The following TRAPPC11 variants were observed in gnomAD, a reference collection of about 807,000 sequenced individuals.
TRAPPC11 encodes the protein trafficking protein particle complex subunit 11, also known as foie gras homolog.
A neutral mutation model predicts 151.2 loss-of-function variants in TRAPPC11; 104 were observed. The observed-to-expected ratio is 0.69, with a 90% CI of 0.59 to 0.81. The LOEUF (loss-of-function observed/expected upper bound fraction) is 0.81. TRAPPC11 is among the 30% of genes least tolerant of loss of function. TRAPPC11 has a pLI of 0.00. For missense variants in TRAPPC11, 1,230 were observed against 1,349.6 expected, an observed-to-expected ratio of 0.91 and a Z score of 1.39; for synonymous variants, 456 against 472.3, an observed-to-expected ratio of 0.97 and a Z score of 0.45.
chr4:183,662,387 T>A (rs980580010), intron 1 of TRAPPC11, among the ~76,000 whole-genome samples: 17 of 151,362 alleles, frequency 1.1e-4, no homozygotes, highest in Non-Finnish European at 2.1e-4. Context: ...CTCATGTTGT[T>A]ACATCCTTTT....
At chr4:183,678,118 T>C (rs1164147557) in intron 8 of TRAPPC11, among the ~76,000 whole-genome samples, 5 of 152,084 alleles carry the variant, frequency 3.3e-5, no homozygotes, top group Admixed American at 2.0e-4. Flanking sequence ...TTTGTGTTTT[T>C]AGTAGAGACA....
chr4:183,674,877 A>G, intron 6 of TRAPPC11, 65 bp downstream of exon 6: 2 of 1,012,446 alleles, frequency 2.0e-6, no homozygotes, highest in Non-Finnish European at 3.0e-6. Context: ...TGAGGTGATT[A>G]TTACATGTTC....
intron 2 of TRAPPC11, among the ~76,000 whole-genome samples, chr4:183,665,929 C>CTTTTTTTTTTTTTT (rs11462767): frequency 2.0e-4 from 27 of 137,890 alleles, no homozygotes; most frequent in Non-Finnish European, 2.6e-4. Flanking sequence ...AAATGGGCTA[C>CTTTTTTTTTTTTTT]TTTTTTTTTT....
intron 24 of TRAPPC11, 29 bp downstream of exon 24, chr4:183,697,597 C>A (rs1331277107): frequency 1.2e-6 from 2 of 1,603,608 alleles, no homozygotes; most frequent in Non-Finnish European, 1.7e-6. Context: ...TACTAGAAAT[C>A]ATTTAGGTTA....
chr4:183,680,129 C>T lies in TRAPPC11; in HGVS notation c.975C>T (p.Ala325=). 2 of 1,611,074 alleles carry T rather than the reference C, an allele frequency of 1.2e-6. No individual in the cohort carries two copies. The highest frequency in any genetic ancestry group is 1.7e-6 in the Non-Finnish European group (2 of 1,178,766). The part of the protein sequence containing the change: ...HDAWMSKQFQ[A]FGDLFDEAIK... ...TTTTCTTTTCTTTAAGATTCCAGGCCTTTGGAGATTTATTTGATGAAGCTA... is the reference window on the plus strand; with the variant it reads ...TTTTCTTTTCTTTAAGATTCCAGGCTTTTGGAGATTTATTTGATGAAGCTA... The change falls in exon 10 of 30, where the codon GCC becomes GCT. Residue 325 remains alanine, a synonymous_variant. Coordinates refer to ENST00000334690, the MANE Select transcript of TRAPPC11 (RefSeq NM_021942.6).
intron 8 of TRAPPC11, among the ~76,000 whole-genome samples, chr4:183,677,789 G>A (rs984763372): frequency 5.3e-5 from 8 of 152,098 alleles, no homozygotes; most frequent in African/African-American, 1.9e-4. Context: ...GGGTTTTTTG[G>A]TTTTTGTTTT....
intron 22 of TRAPPC11, among the ~76,000 whole-genome samples, chr4:183,694,252 A>G (rs1038943366): frequency 1.3e-5 from 2 of 152,228 alleles, no homozygotes; most frequent in Admixed American, 6.5e-5. Flanking sequence ...CATGCTTAAC[A>G]TGAATTAGTG....
chr4:183,674,586 G>T, intron 5 of TRAPPC11, 127 bp from the exon 6 acceptor site: 2 of 502,678 alleles, frequency 4.0e-6, no homozygotes, highest in Admixed American at 8.2e-5. Flanking sequence ...GCTTCACTTT[G>T]TCTTATTCAT....
At chr4:183,685,000 A>G in intron 15 of TRAPPC11, 84 bp from the exon 16 acceptor site, 1 of 1,379,570 alleles carries the variant, frequency 7.2e-7, no homozygotes. Context: ...ATTTATTATT[A>G]TATCAAGTTT....
chr4:183,675,945 T>A (rs2111334500), intron 7 of TRAPPC11, among the ~76,000 whole-genome samples: 1 of 152,284 alleles, frequency 6.6e-6, no homozygotes, highest in Middle Eastern at 3.4e-3. Context: ...AACTCACTTT[T>A]TGAAGACAAA....
At chr4:183,702,592 A>G (rs1019034356) in intron 26 of TRAPPC11, among the ~76,000 whole-genome samples, 2 of 152,198 alleles carry the variant, frequency 1.3e-5, no homozygotes, top group African/African-American at 2.4e-5. Flanking sequence ...CATGCTATGT[A>G]TTTCTTAGGA....
intron 5 of TRAPPC11, 57 bp downstream of exon 5, chr4:183,668,174 G>T: frequency 9.9e-7 from 1 of 1,015,220 alleles, no homozygotes; most frequent in East Asian, 2.4e-5. Context: ...TTGAGAAATT[G>T]GTAGCTTAGA....
chr4:183,698,112 T>A (rs1736636006), intron 25 of TRAPPC11, among the ~76,000 whole-genome samples: 1 of 152,224 alleles, frequency 6.6e-6, no homozygotes. Context: ...GAATTTTTTT[T>A]TCATTTTTGA....
At chr4:183,692,160 T>C (rs947243110) in intron 19 of TRAPPC11, among the ~76,000 whole-genome samples, 2 of 152,182 alleles carry the variant, frequency 1.3e-5, no homozygotes, top group African/African-American at 2.4e-5. Context: ...TTCATGAGGA[T>C]TAAATCAGCT....
In TRAPPC11 at chr4:183,712,655, C is replaced by A; in HGVS notation, c.*11C>A. ...ATTGCTGCTGCATGATGTTCAAGAC[C>A]GGCCCTTGGCTGTTGTTACAGAGAT... On this transcript the variant is annotated 3_prime_UTR_variant, in exon 30 of 30. Coordinates refer to ENST00000334690, the MANE Select transcript of TRAPPC11 (RefSeq NM_021942.6). The A allele has an allele frequency of 6.2e-7, 1 of 1,613,964 alleles. No individual in the cohort carries two copies. The highest frequency in any genetic ancestry group is 1.3e-5 in the African/African-American group (1 of 75,020).
Position 183,666,174 on chromosome 4 carries a change from A to G in TRAPPC11, c.205-83A>G, listed in dbSNP as rs569662199. On this transcript the variant is annotated intron_variant, in intron 2 of 29. Coordinates refer to ENST00000334690, the MANE Select transcript of TRAPPC11 (RefSeq NM_021942.6). ...GAGGTGTGTATATTGAATGAGATCA[A>G]TGCACATAAAGTGCTTGGCACTCAG... The G allele has an allele frequency of 2.7e-5, 35 of 1,292,394 alleles. No individual in the cohort carries two copies. The African/African-American group carries it at 4.9e-4, about 18-fold the overall frequency. 80.1% of individuals were successfully genotyped at this position (1,292,394 alleles called of 1,614,324 possible). A position where few individuals can be genotyped will look rare whatever the true frequency, so the allele number is the denominator to read the frequency against.
Position 183,693,045 on chromosome 4 carries a change from C to G in TRAPPC11, c.2135C>G (p.Ser712Cys). Residue 712 changes from serine to cysteine, a missense_variant, in exon 20 of 30, where the codon TCC (serine) becomes TGC (cysteine). By Grantham distance (112) the Ser-to-Cys change is moderately radical. Transcript: ENST00000334690. ...CAGGGAGGAGGAGGAGATGCTGCTTCCTCCCAAGAAGCCTTACAGGCAGCT... is the reference window on the plus strand; with the variant it reads ...CAGGGAGGAGGAGGAGATGCTGCTTGCTCCCAAGAAGCCTTACAGGCAGCT... ...NWQGGGGDAA[S>C]SQEALQAARS... 1 of 1,613,810 alleles carries G rather than the reference C, an allele frequency of 6.2e-7. No homozygotes were observed. The highest frequency in any genetic ancestry group is 2.2e-5 in the East Asian group (1 of 44,866).
At chr4:183,709,592 G>A (rs1013534715) in intron 29 of TRAPPC11, among the ~76,000 whole-genome samples, 11 of 152,058 alleles carry the variant, frequency 7.2e-5, no homozygotes, top group African/African-American at 1.7e-4. Flanking sequence ...TGGCTAACAT[G>A]GTGAAACCCC....
intron 23 of TRAPPC11, among the ~76,000 whole-genome samples, chr4:183,697,151 C>G (rs1579212112): frequency 6.6e-6 from 1 of 152,014 alleles, no homozygotes; most frequent in Non-Finnish European, 1.5e-5. Flanking sequence ...TAGCAAGACC[C>G]CATCTCTAAA....
Sources: gnomAD v4.1 joint callset for allele counts (sites outside exome capture counted in the v4.1 genomes callset) on GRCh38, gnomAD v4.1.1 for gene constraint, MANE v1.5 for transcripts, NCBI Gene and HGNC (gene_info 2026-07-23, HGNC 2026-07-21) for gene names.